The following TTC28 variants were observed in gnomAD, a reference collection of about 807,000 sequenced individuals.
The protein encoded by TTC28 is tetratricopeptide repeat domain 28.
TTC28 carries 61 observed loss-of-function variants against 198.0 expected under a neutral mutation model. The observed-to-expected ratio is 0.31, with a 90% confidence interval of 0.25 to 0.38. The LOEUF is 0.38. TTC28 is among the 10% of genes least tolerant of loss of function. The pLI, the probability that TTC28 is intolerant of heterozygous loss-of-function variation, is 1.00. For synonymous variants in TTC28, 1,171 were observed against 1,297.8 expected (o/e 0.90, Z 2.10); for missense variants, 2,678 against 3,164.0 (o/e 0.85, Z 3.69).
intron 2 of TTC28, among the ~76,000 whole-genome samples, chr22:28,507,733 A>AAG (rs930749803): frequency 2.6e-5 from 4 of 152,216 alleles, no homozygotes; most frequent in African/African-American, 9.6e-5. Flanking sequence ...TATAAGCCAG[A>AAG]AGAGAGTGGG....
intron 12 of TTC28, among the ~76,000 whole-genome samples, chr22:28,034,466 T>C (rs1939251961): frequency 6.6e-6 from 1 of 152,226 alleles, no homozygotes. Context: ...CCTTCCCTCG[T>C]GGCTCTCTGG....
intron 16 of TTC28, among the ~76,000 whole-genome samples, chr22:27,996,659 G>A (rs1002152840): frequency 4.0e-5 from 6 of 151,604 alleles, no homozygotes; most frequent in Admixed American, 3.9e-4. Flanking sequence ...GAGGTGGGGA[G>A]CGGCTACTCC....
At chr22:28,449,071 G>C (rs939718452) in intron 2 of TTC28, among the ~76,000 whole-genome samples, 14 of 152,214 alleles carry the variant, frequency 9.2e-5, no homozygotes, top group Admixed American at 8.5e-4. Context: ...GACTGATCTT[G>C]CTATTTATCT....
intron 5 of TTC28, among the ~76,000 whole-genome samples, chr22:28,208,034 A>G (rs1926581600): frequency 6.6e-6 from 1 of 152,106 alleles, no homozygotes; most frequent in Non-Finnish European, 1.5e-5. Context: ...TACAAGTCCT[A>G]TACCTATGAT....
intron 6 of TTC28, among the ~76,000 whole-genome samples, chr22:28,161,553 C>T: frequency 6.6e-6 from 1 of 151,970 alleles, no homozygotes; most frequent in East Asian, 1.9e-4. Flanking sequence ...ACTCGGGAGG[C>T]TGAGGTGGGA....
intron 6 of TTC28, among the ~76,000 whole-genome samples, chr22:28,129,076 TG>T: frequency 6.6e-6 from 1 of 152,190 alleles, no homozygotes; most frequent in Non-Finnish European, 1.5e-5. Context: ...CTGAACATGA[TG>T]TGATTGTTCC....
intron 5 of TTC28, among the ~76,000 whole-genome samples, chr22:28,172,437 A>G (rs1922771066): frequency 6.6e-6 from 1 of 152,228 alleles, no homozygotes; most frequent in African/African-American, 2.4e-5. Flanking sequence ...TATAAGTCTC[A>G]GGGCAGGCAC....
chr22:28,060,932 T>C (rs1465375714), intron 12 of TTC28, among the ~76,000 whole-genome samples: 1 of 152,228 alleles, frequency 6.6e-6, no homozygotes, highest in Non-Finnish European at 1.5e-5. Context: ...TGAGATGGTA[T>C]CTCATTGTGG....
intron 2 of TTC28, among the ~76,000 whole-genome samples, chr22:28,573,137 C>G (rs1456253915): frequency 7.8e-6 from 1 of 127,698 alleles, no homozygotes; most frequent in Non-Finnish European, 1.7e-5. Flanking sequence ...AAAAAAAAAA[C>G]AAGTACAGGG....
chr22:28,014,626 TC>T (rs1248210944), intron 13 of TTC28, among the ~76,000 whole-genome samples: 1 of 152,204 alleles, frequency 6.6e-6, no homozygotes, highest in Non-Finnish European at 1.5e-5. Flanking sequence ...AGCTTACATT[TC>T]TATGGAGTTT....
intron 12 of TTC28, among the ~76,000 whole-genome samples, chr22:28,066,304 G>T (rs374473143): frequency 0.041 from 6,090 of 147,032 alleles, 170 homozygotes; most frequent in African/African-American, 0.063. Context: ...GTGTGTGTGT[G>T]GTGTGTGTGT....
intron 2 of TTC28, among the ~76,000 whole-genome samples, chr22:28,316,415 G>A (rs2045352943): frequency 1.3e-5 from 2 of 152,020 alleles, no homozygotes; most frequent in East Asian, 3.8e-4. Flanking sequence ...AATTGCTTTG[G>A]CTATTTTAGT....
At chr22:28,490,313 AT>A (rs1193033871) in intron 2 of TTC28, among the ~76,000 whole-genome samples, 2 of 152,014 alleles carry the variant, frequency 1.3e-5, no homozygotes, top group South Asian at 2.1e-4. Context: ...AAGTAACAAC[AT>A]TTTTTTTCTT....
intron 2 of TTC28, among the ~76,000 whole-genome samples, chr22:28,452,160 T>C (rs908217890): frequency 6.6e-6 from 1 of 151,794 alleles, no homozygotes; most frequent in African/African-American, 2.4e-5. Flanking sequence ...GAGGCCAAGG[T>C]GGGCGGATCA....
intron 2 of TTC28, among the ~76,000 whole-genome samples, chr22:28,325,412 TGTG>T (rs2045513158): frequency 6.6e-6 from 1 of 152,124 alleles, no homozygotes; most frequent in African/African-American, 2.4e-5. Context: ...TTTTATATTA[TGTG>T]AACCTCATCA....
At chr22:28,462,736 C>T (rs928251380) in intron 2 of TTC28, among the ~76,000 whole-genome samples, 3 of 151,960 alleles carry the variant, frequency 2.0e-5, no homozygotes, top group African/African-American at 7.3e-5. Flanking sequence ...CATCTCATTC[C>T]CCATTTGAAT....
chr22:28,557,621 C>T (rs965453397), intron 2 of TTC28, among the ~76,000 whole-genome samples: 3 of 152,156 alleles, frequency 2.0e-5, no homozygotes, highest in Non-Finnish European at 4.4e-5. Flanking sequence ...ATATTCTATA[C>T]CTGATCCCTT....
At chr22:28,193,466 G>C (rs1358214993) in intron 5 of TTC28, among the ~76,000 whole-genome samples, 1 of 152,126 alleles carries the variant, frequency 6.6e-6, no homozygotes, top group African/African-American at 2.4e-5. Flanking sequence ...TGGGCTAAAT[G>C]CTCCAATTAA....
At position 27,981,230 on chromosome 22, in the gene TTC28, A is replaced by ATTTTTTTTTTTTTTTTTTTTTT. The variant is rs138635; in HGVS notation, c.*969_*990dup. 2 of 48,218 alleles carry ATTTTTTTTTTTTTTTTTTTTTT rather than the reference A, an allele frequency of 4.1e-5. 1 individual carries two copies. The highest frequency in any genetic ancestry group is 8.4e-5 in the Non-Finnish European group (2 of 23,834). The allele number at this position is 48,218 out of a possible 1,614,324, so 3.0% of individuals were successfully genotyped here. A position where few individuals can be genotyped will look rare whatever the true frequency, so the allele number is the denominator to read the frequency against. ...TGGTTAAATCTAGTTAGCCATGGAAATTTTTTTTTTTTTTTTTTTTTTTTT... is the reference window on the plus strand; with the variant it reads ...TGGTTAAATCTAGTTAGCCATGGAAATTTTTTTTTTTTTTTTTTTTTTTTTTTTTTTTTTTTTTTTTTTTTTT... On this transcript the variant is annotated 3_prime_UTR_variant, in exon 23 of 23. Coordinates refer to ENST00000397906, the MANE Select transcript of TTC28 (RefSeq NM_001145418.2).
Sources: allele counts gnomAD v4.1 joint callset (sites outside exome capture counted in the v4.1 genomes callset), GRCh38; gene constraint gnomAD v4.1.1; transcripts MANE v1.5; gene names NCBI Gene and HGNC (gene_info 2026-07-23, HGNC 2026-07-21).